The following ADAMTS17 variants were observed in gnomAD, a reference collection of about 807,000 sequenced individuals.
ADAMTS17 encodes A disintegrin and metalloproteinase with thrombospondin motifs 17.
ADAMTS17 carries 113 observed loss-of-function variants against 141.5 expected under a neutral mutation model. The ratio of observed to expected loss-of-function variants is 0.80; its 90% CI spans 0.69 to 0.93. The LOEUF (loss-of-function observed/expected upper bound fraction) is 0.93, where lower values mean the gene tolerates loss of function less well. Ranked by LOEUF, ADAMTS17 falls within the 40% of genes least tolerant of loss-of-function variation. The pLI is 0.00. For synonymous variants in ADAMTS17, 768 were observed against 630.6 expected, an observed-to-expected ratio of 1.22 and a Z score of -3.27; for missense variants, 1,659 against 1,517.9, an observed-to-expected ratio of 1.09 and a Z score of -1.54.
intron 3 of ADAMTS17, among the ~76,000 whole-genome samples, chr15:100,325,091 C>T (rs1284675013): frequency 3.3e-5 from 5 of 152,164 alleles, no homozygotes; most frequent in South Asian, 2.1e-4. Flanking sequence ...ACATTTATGA[C>T]GGTTCGCTTG....
At chr15:100,227,482 C>G (rs949579172) in intron 7 of ADAMTS17, among the ~76,000 whole-genome samples, 6 of 152,200 alleles carry the variant, frequency 3.9e-5, no homozygotes, top group African/African-American at 9.7e-5. Flanking sequence ...TAATAGAAAA[C>G]AATGGTTTAA....
At chr15:100,287,419 C>T (rs2044482698) in intron 3 of ADAMTS17, among the ~76,000 whole-genome samples, 1 of 152,076 alleles carries the variant, frequency 6.6e-6, no homozygotes. Flanking sequence ...CGTTGGCATC[C>T]TTGAAAGAGA....
intron 7 of ADAMTS17, among the ~76,000 whole-genome samples, chr15:100,249,006 T>C (rs1382298223): frequency 6.6e-6 from 1 of 152,016 alleles, no homozygotes; most frequent in Admixed American, 6.6e-5. Context: ...ACCATGTTGA[T>C]CAGGCTGGTC....
intron 8 of ADAMTS17, among the ~76,000 whole-genome samples, chr15:100,181,674 G>A (rs979346714): frequency 6.6e-6 from 1 of 152,238 alleles, no homozygotes; most frequent in African/African-American, 2.4e-5. Flanking sequence ...TCCTGTGGCT[G>A]AGCTGGTATT....
At chr15:99,996,713 T>C (rs1180118035) in intron 19 of ADAMTS17, among the ~76,000 whole-genome samples, 3 of 152,182 alleles carry the variant, frequency 2.0e-5, no homozygotes, top group African/African-American at 7.2e-5. Context: ...TGAGCGTCTC[T>C]GAGTTTTCTA....
intron 4 of ADAMTS17, among the ~76,000 whole-genome samples, chr15:100,279,064 G>A (rs1040330828): frequency 6.6e-6 from 1 of 152,092 alleles, no homozygotes; most frequent in African/African-American, 2.4e-5. Context: ...ATCCCAGTGG[G>A]AACGGTGCAT....
Position 100,153,701 on chromosome 15 carries a change from G to A in ADAMTS17, c.1323-939C>T, listed in dbSNP as rs536937465. On this transcript the variant is annotated intron_variant, in intron 9 of 21. Coordinates refer to ENST00000268070, the MANE Select transcript of ADAMTS17 (RefSeq NM_139057.4). ...TTGCGAGGCTCTGGCTCTAAAGGAG[G>A]TTACTTACTACAATGCTTTTATTTC... Among the ~76,000 whole-genome samples the A allele has an allele frequency of 2.0e-4, 31 of 152,226 alleles. No homozygotes were observed. The South Asian group carries it at 5.6e-3, about 28-fold the overall frequency.
chr15:100,018,955 A>C lies in ADAMTS17; in HGVS notation c.2592-21366T>G, dbSNP rs566512568. Among the ~76,000 whole-genome samples the C allele has an allele frequency of 4.6e-5, 7 of 152,346 alleles. No individual in the cohort carries two copies. In the East Asian group the frequency reaches 1.3e-3, roughly 29 times the overall value. ...GTAAAGCTCAAGTTATGTATAACCTATGCCTTATTCCACTTCTAGGGATAC... is the reference window on the plus strand; with the variant it reads ...GTAAAGCTCAAGTTATGTATAACCTCTGCCTTATTCCACTTCTAGGGATAC... On this transcript the variant is annotated intron_variant, in intron 18 of 21. Coordinates refer to ENST00000268070, the MANE Select transcript of ADAMTS17 (RefSeq NM_139057.4).
chr15:99,985,673 G>A (rs1366354519), intron 20 of ADAMTS17, among the ~76,000 whole-genome samples: 1 of 152,126 alleles, frequency 6.6e-6, no homozygotes, highest in Non-Finnish European at 1.5e-5. Context: ...AAGCCAAGGT[G>A]GATTACCAGC....
In ADAMTS17 at chr15:100,341,817, C is replaced by T. The variant is rs1021821843; in HGVS notation, c.79+4G>A. On this transcript the variant is annotated splice_donor_region_variant and intron_variant, in intron 1 of 21. Transcript: ENST00000268070. The stretch of plus-strand genomic sequence containing the variant: ...GTGAAGAGGGCTGTGGGAGGGGGCG[C>T]TACCTGTGCCCGGGTCCAGTCCCCA... The T allele has an allele frequency of 1.3e-6, 2 of 1,550,640 alleles. No individual in the cohort carries two copies. The highest frequency in any genetic ancestry group is 2.7e-5 in the African/African-American group (2 of 73,026).
At chr15:100,307,835 C>G (rs1220377500) in intron 3 of ADAMTS17, among the ~76,000 whole-genome samples, 2 of 152,234 alleles carry the variant, frequency 1.3e-5, no homozygotes, top group Non-Finnish European at 2.9e-5. Context: ...CACCACACAG[C>G]CCCAACACTG....
At chr15:100,242,637 CT>C (rs1196568839) in intron 7 of ADAMTS17, among the ~76,000 whole-genome samples, 12 of 152,158 alleles carry the variant, frequency 7.9e-5, no homozygotes. Context: ...AAACCCTGCA[CT>C]ATTTGTGTCT....
At chr15:100,302,127 G>A (rs932469866) in intron 3 of ADAMTS17, among the ~76,000 whole-genome samples, 2 of 152,170 alleles carry the variant, frequency 1.3e-5, no homozygotes, top group Non-Finnish European at 2.9e-5. Context: ...TCTGTCTCCA[G>A]ATTTGCCTAT....
chr15:100,150,267 T>G (rs1017217864), intron 10 of ADAMTS17, among the ~76,000 whole-genome samples: 1 of 152,122 alleles, frequency 6.6e-6, no homozygotes, highest in Non-Finnish European at 1.5e-5. Flanking sequence ...ATTCCTCTCA[T>G]GAAAATATGA....
At chr15:99,990,121 G>T (rs1255069323) in intron 20 of ADAMTS17, among the ~76,000 whole-genome samples, 1 of 152,150 alleles carries the variant, frequency 6.6e-6, no homozygotes. Context: ...CTGTAGCTTC[G>T]ACTTCCCTGG....
At chr15:100,323,298 G>C (rs1157064625) in intron 3 of ADAMTS17, among the ~76,000 whole-genome samples, 1 of 152,002 alleles carries the variant, frequency 6.6e-6, no homozygotes, top group Non-Finnish European at 1.5e-5. Flanking sequence ...ACTTTAAAGG[G>C]GTTAAATAAA....
chr15:100,338,017 T>C (rs997479570), intron 2 of ADAMTS17, among the ~76,000 whole-genome samples: 3 of 152,188 alleles, frequency 2.0e-5, no homozygotes, highest in Non-Finnish European at 4.4e-5. Flanking sequence ...GATATGCTCA[T>C]AGAAACACTT....
chr15:100,312,169 G>A (rs967743052), intron 3 of ADAMTS17, among the ~76,000 whole-genome samples: 1 of 152,240 alleles, frequency 6.6e-6, no homozygotes, highest in Non-Finnish European at 1.5e-5. Context: ...ATGTGATCCA[G>A]CTAAGGTTTT....
At chr15:100,273,571 T>C (rs965046975) in intron 4 of ADAMTS17, among the ~76,000 whole-genome samples, 2 of 152,164 alleles carry the variant, frequency 1.3e-5, no homozygotes, top group Admixed American at 6.5e-5. Context: ...TTATTAGTAA[T>C]TTGAGGCTTT....
Sources: allele counts gnomAD v4.1 joint callset (sites outside exome capture counted in the v4.1 genomes callset), GRCh38; gene constraint gnomAD v4.1.1; transcripts MANE v1.5; gene names NCBI Gene and HGNC (gene_info 2026-07-23, HGNC 2026-07-21).